The following MTMR7 variants were observed in gnomAD, a reference collection of about 807,000 sequenced individuals.
MTMR7 encodes the protein phosphatidylinositol-3-phosphate phosphatase MTMR7.
A neutral mutation model predicts 81.2 loss-of-function variants in MTMR7; 76 were observed. The observed-to-expected ratio is 0.94, with a 90% CI of 0.78 to 1.13. MTMR7 has a LOEUF of 1.13. MTMR7 is among the 50% of genes most tolerant of loss of function. The pLI is 0.00. For synonymous variants in MTMR7, 372 were observed against 289.8 expected, an observed-to-expected ratio of 1.28 and a Z score of -2.88; for missense variants, 1,044 against 820.0, an observed-to-expected ratio of 1.27 and a Z score of -3.34.
At position 17,313,196 on chromosome 8, in the gene MTMR7, G is replaced by A. The variant is rs376450123; in HGVS notation, c.975+96C>T. ...CTGGCTATCCAGTCAGTGCAGTGCA[G>A]CTTAAGACAGGGAAGCCCATGGCAG... On this transcript the variant is annotated intron_variant, in intron 8 of 13. Coordinates refer to ENST00000180173, the MANE Select transcript of MTMR7 (RefSeq NM_004686.5). 1.3e-5 allele frequency: 11 copies of A among 852,634 alleles called. No individual in the cohort carries two copies. The African/African-American group carries it at 1.3e-4, about 10-fold the overall frequency. 52.8% of individuals were successfully genotyped at this position (852,634 alleles called of 1,614,324 possible).
chr8:17,326,980 T>G (rs1425732264), intron 7 of MTMR7, among the ~76,000 whole-genome samples: 1 of 152,234 alleles, frequency 6.6e-6, no homozygotes, highest in Admixed American at 6.5e-5. Flanking sequence ...TCCTTGGTAA[T>G]GCAGTGACCA....
intron 1 of MTMR7, among the ~76,000 whole-genome samples, chr8:17,374,875 G>C (rs1227941250): frequency 6.6e-6 from 1 of 151,950 alleles, no homozygotes; most frequent in African/African-American, 2.4e-5. Flanking sequence ...TTGATCATGA[G>C]GTCGGGAGTT....
At chr8:17,394,525 G>A (rs897462630) in intron 1 of MTMR7, among the ~76,000 whole-genome samples, 2 of 152,154 alleles carry the variant, frequency 1.3e-5, no homozygotes, top group Non-Finnish European at 2.9e-5. Flanking sequence ...TGTCCAGGGT[G>A]TAGGGAGAGA....
At chr8:17,413,187 C>G (rs1008207639) in intron 1 of MTMR7, 82 bp downstream of exon 1, 41 of 1,475,524 alleles carry the variant, frequency 2.8e-5, no homozygotes, top group Non-Finnish European at 3.2e-5. Context: ...TCAAAGCAGT[C>G]GGCCTCCCGC....
chr8:17,394,937 G>C (rs1003448549), intron 1 of MTMR7, among the ~76,000 whole-genome samples: 1 of 152,016 alleles, frequency 6.6e-6, no homozygotes, highest in Admixed American at 6.6e-5. Context: ...ACACATAAAA[G>C]ATATACTTTA....
chr8:17,313,477 G>T, intron 7 of MTMR7, 76 bp from the exon 8 acceptor site: 1 of 904,500 alleles, frequency 1.1e-6, no homozygotes, highest in South Asian at 1.8e-5. Context: ...TTTATAGGTA[G>T]TTTGTTAATG....
rs191665283 is a variant in MTMR7, at chr8:17,348,983, A to C, written c.567T>G (p.Pro189=). Reference sequence around the variant, plus strand: ...TATCTTTATAATAGTAAGAAAGGACAGGAAATCGCCGTCTACTCCGGAATT... The same window carrying C: ...TATCTTTATAATAGTAAGAAAGGACCGGAAATCGCCGTCTACTCCGGAATT... ...SSKFRSRRRF[P]VLSYYYKDNH... Residue 189 remains proline, a synonymous_variant, in exon 5 of 14, where the codon CCT becomes CCG. Transcript: ENST00000180173. 75 of 1,613,746 alleles carry C rather than the reference A, an allele frequency of 4.6e-5. No individual in the cohort carries two copies. The Admixed American group carries it at 1.3e-3, about 27-fold the overall frequency.
Position 17,313,319 on chromosome 8 carries a change from T to G in MTMR7, c.948A>C (p.Ile316=), listed in dbSNP as rs941415693. ...TTGCAATGAAGATTCCTGCATCCAT[T>G]ATGGCTTTAATGTGCCTTAACCAGC... ...NSGWLRHIKA[I]MDAGIFIAKA... Residue 316 remains isoleucine (I), a synonymous_variant, in exon 8 of 14, where the codon ATA becomes ATC. Coordinates refer to ENST00000180173, the MANE Select transcript of MTMR7 (RefSeq NM_004686.5). 3 of 1,612,986 alleles carry G rather than the reference T, an allele frequency of 1.9e-6. No individual in the cohort carries two copies. Among genetic ancestry groups the G allele is most frequent in the Non-Finnish European group, 2.5e-6 (3 of 1,179,202 alleles).
chr8:17,341,517 C>CA lies in MTMR7; in HGVS notation c.598-21dup. 1 of 1,611,976 alleles carries CA rather than the reference C, an allele frequency of 6.2e-7. No individual in the cohort carries two copies. Among genetic ancestry groups the CA allele is most frequent in the South Asian group, 1.1e-5 (1 of 91,032 alleles). ...GGAGGCCTAGGGGGAGAGGTCACAG[C>CA]AACACAGCACCATCAGGTAACTGTA... On this transcript the variant is annotated intron_variant, in intron 5 of 13. Coordinates refer to ENST00000180173, the MANE Select transcript of MTMR7 (RefSeq NM_004686.5).
chr8:17,342,086 G>A (rs1423382965), intron 5 of MTMR7, among the ~76,000 whole-genome samples: 1 of 152,088 alleles, frequency 6.6e-6, no homozygotes, highest in Non-Finnish European at 1.5e-5. Context: ...CTTAGAACAA[G>A]GGGGATTTTT....
intron 1 of MTMR7, among the ~76,000 whole-genome samples, chr8:17,388,688 T>C (rs1821016737): frequency 6.6e-6 from 1 of 152,150 alleles, no homozygotes; most frequent in Non-Finnish European, 1.5e-5. Context: ...AAGGGCAAGT[T>C]GTGCCAAATA....
intron 1 of MTMR7, among the ~76,000 whole-genome samples, chr8:17,402,068 A>G (rs1479987967): frequency 6.6e-6 from 1 of 152,306 alleles, no homozygotes; most frequent in African/African-American, 2.4e-5. Context: ...CAGTCTATCA[A>G]TAAAATTCTG....
intron 4 of MTMR7, among the ~76,000 whole-genome samples, chr8:17,353,629 C>A (rs1403665308): frequency 1.3e-5 from 2 of 152,096 alleles, no homozygotes; most frequent in African/African-American, 2.4e-5. Context: ...TTTGGAAAAC[C>A]ACCTGACAAA....
chr8:17,357,078 GAA>G (rs1819917786), intron 4 of MTMR7, among the ~76,000 whole-genome samples: 1 of 151,988 alleles, frequency 6.6e-6, no homozygotes, highest in Non-Finnish European at 1.5e-5. Flanking sequence ...AAAAAAGAAA[GAA>G]AGAGGGAAGG....
At chr8:17,398,223 G>C (rs971824374) in intron 1 of MTMR7, among the ~76,000 whole-genome samples, 5 of 152,154 alleles carry the variant, frequency 3.3e-5, no homozygotes, top group African/African-American at 7.2e-5. Flanking sequence ...AACAATCCTG[G>C]AGAAACAGAG....
At chr8:17,324,049 A>G (rs1214354605) in intron 7 of MTMR7, among the ~76,000 whole-genome samples, 2 of 152,200 alleles carry the variant, frequency 1.3e-5, no homozygotes, top group Non-Finnish European at 2.9e-5. Context: ...TGATAATGTC[A>G]AACGCTTTGG....
At chr8:17,388,556 C>T (rs1055738311) in intron 1 of MTMR7, among the ~76,000 whole-genome samples, 3 of 152,312 alleles carry the variant, frequency 2.0e-5, no homozygotes, top group African/African-American at 2.4e-5. Context: ...TTTCCTTTAA[C>T]GATATTTCTA....
At chr8:17,342,011 C>A (rs141625076) in intron 5 of MTMR7, among the ~76,000 whole-genome samples, 5 of 151,936 alleles carry the variant, frequency 3.3e-5, no homozygotes, top group African/African-American at 1.2e-4. Flanking sequence ...GTGACAAGAG[C>A]CCAGGTTGCT....
chr8:17,370,787 T>G (rs1307179595), intron 3 of MTMR7, among the ~76,000 whole-genome samples: 3 of 151,994 alleles, frequency 2.0e-5, no homozygotes, highest in Admixed American at 6.6e-5. Flanking sequence ...AAGCATCCTA[T>G]AACCCCACCA....
Sources: allele counts gnomAD v4.1 joint callset (sites outside exome capture counted in the v4.1 genomes callset), GRCh38; gene constraint gnomAD v4.1.1; transcripts MANE v1.5; gene names NCBI Gene and HGNC (gene_info 2026-07-23, HGNC 2026-07-21).